Variants in INTS4 observed in about 807,000 individuals in gnomAD.
INTS4 encodes MSTP093.
INTS4 carries 70 observed loss-of-function variants against 119.5 expected under a neutral mutation model. That is an observed-to-expected ratio of 0.59 (90% CI 0.48 to 0.71). The LOEUF is 0.71. Ranked by LOEUF, INTS4 falls within the 30% of genes least tolerant of loss-of-function variation. The pLI, the probability that INTS4 is intolerant of heterozygous loss-of-function variation, is 0.00. For missense variants in INTS4, 867 were observed against 1,173.2 expected (o/e 0.74, Z 3.81); for synonymous variants, 316 against 419.6 (o/e 0.75, Z 3.02).
At chr11:77,920,228 C>T (rs201406288) in intron 14 of INTS4, among the ~76,000 whole-genome samples, 1,437 of 14,954 alleles carry the variant, frequency 0.096, 29 homozygotes, top group African/African-American at 0.26. Context: ...TACACATATA[C>T]ATACATATAT....
At chr11:77,985,103 T>C (rs952444369) in intron 2 of INTS4, among the ~76,000 whole-genome samples, 1 of 152,204 alleles carries the variant, frequency 6.6e-6, no homozygotes, top group African/African-American at 2.4e-5. Context: ...TCTCTAATAA[T>C]TGTTTCTTCT....
intron 14 of INTS4, 71 bp downstream of exon 14, chr11:77,921,269 G>A: frequency 6.5e-6 from 10 of 1,529,422 alleles, no homozygotes; most frequent in Non-Finnish European, 8.9e-6. Flanking sequence ...CCATCTCAAA[G>A]GAAAACATGA....
downstream of INTS4, chr11:77,876,950 G>T: frequency 1.4e-6 from 1 of 703,170 alleles, no homozygotes; most frequent in Non-Finnish European, 2.6e-6. Context: ...TTTTGTCTAG[G>T]CTCCAACCCA....
At chr11:77,922,062 T>C (rs971919703) in intron 13 of INTS4, among the ~76,000 whole-genome samples, 11 of 151,478 alleles carry the variant, frequency 7.3e-5, no homozygotes, top group African/African-American at 2.7e-4. Flanking sequence ...ACCTCATCTC[T>C]ACTAAAAATA....
At chr11:77,974,238 C>CTTT (rs60093605) in intron 4 of INTS4, among the ~76,000 whole-genome samples, 19 of 84,326 alleles carry the variant, frequency 2.3e-4, no homozygotes, top group South Asian at 3.5e-4. Context: ...TTTTTCTTTT[C>CTTT]TTTTTTTTTT....
chr11:77,929,607 A>C (rs1299225305), intron 10 of INTS4, among the ~76,000 whole-genome samples: 1 of 152,202 alleles, frequency 6.6e-6, no homozygotes, highest in Non-Finnish European at 1.5e-5. Flanking sequence ...CCTCAAAGTG[A>C]ATGAGGGCAG....
chr11:77,951,735 A>C (rs2136556834), intron 8 of INTS4, among the ~76,000 whole-genome samples: 1 of 152,304 alleles, frequency 6.6e-6, no homozygotes, highest in African/African-American at 2.4e-5. Context: ...CAACCTACAG[A>C]ATGGGAGAAA....
downstream of INTS4, among the ~76,000 whole-genome samples, chr11:77,877,555 A>T (rs1951632899): frequency 6.6e-6 from 1 of 152,130 alleles, no homozygotes; most frequent in Non-Finnish European, 1.5e-5. Flanking sequence ...TTTTTCCCAT[A>T]TACTTCCCCT....
chr11:77,927,205 A>T (rs1953528823), intron 11 of INTS4, among the ~76,000 whole-genome samples: 1 of 152,224 alleles, frequency 6.6e-6, no homozygotes, highest in African/African-American at 2.4e-5. Context: ...CTAAAAAGGA[A>T]AGGAGTGGCT....
intron 8 of INTS4, among the ~76,000 whole-genome samples, chr11:77,955,262 G>A (rs144023955): frequency 5.2e-4 from 79 of 152,256 alleles, no homozygotes; most frequent in African/African-American, 1.7e-3. Context: ...GCTTGAGCCC[G>A]GCAGGTCAAG....
chr11:77,875,799 C>A (rs1239736283), downstream of INTS4, among the ~76,000 whole-genome samples: 2 of 152,126 alleles, frequency 1.3e-5, no homozygotes, highest in Non-Finnish European at 2.9e-5. Context: ...AGGAAAGAAC[C>A]ACAGGAGACA....
intron 15 of INTS4, 92 bp from the exon 16 acceptor site, chr11:77,907,902 C>T (rs1952999043): frequency 1.3e-6 from 1 of 774,832 alleles, no homozygotes; most frequent in Non-Finnish European, 2.1e-6. Context: ...CATTTTATAC[C>T]TAGTAAACAG....
rs1953270363 is a variant in INTS4, at chr11:77,918,873, G to A, written c.1870C>T (p.Leu624Phe). ...GCTCCCTGAGGGTCCAAGTGCTGAAGACTATACACTCTTTCAAGGCTCTGC... is the reference window on the plus strand; with the variant it reads ...GCTCCCTGAGGGTCCAAGTGCTGAAAACTATACACTCTTTCAAGGCTCTGC... The part of the protein sequence containing the change: ...LQQSLERVYS[L>F]QHLDPQGAQE... The change falls in exon 15 of 23, where the codon CTT (leucine) becomes TTT (phenylalanine). Residue 624 changes from leucine to phenylalanine, a missense_variant. This residue lies in a region of INTS4 where 262 missense variants were observed against 376.0 expected (regional missense o/e 0.70). Transcript: ENST00000534064. 5.6e-6 allele frequency: 9 copies of A among 1,613,908 alleles called. No individual in the cohort carries two copies. The highest frequency in any genetic ancestry group is 7.6e-6 in the Non-Finnish European group (9 of 1,179,864).
chr11:77,877,705 A>G (rs921789020), downstream of INTS4, among the ~76,000 whole-genome samples: 1 of 152,202 alleles, frequency 6.6e-6, no homozygotes, highest in Non-Finnish European at 1.5e-5. Flanking sequence ...GGCAGTACCA[A>G]AGGTTAACCT....
intron 2 of INTS4, among the ~76,000 whole-genome samples, chr11:77,985,491 C>T (rs1301859548): frequency 6.6e-6 from 1 of 152,196 alleles, no homozygotes; most frequent in African/African-American, 2.4e-5. Flanking sequence ...TCAAGCATCG[C>T]TACCACTCTA....
chr11:77,930,862 C>T (rs1953630911), intron 10 of INTS4, among the ~76,000 whole-genome samples: 1 of 152,014 alleles, frequency 6.6e-6, no homozygotes, highest in Admixed American at 6.6e-5. Context: ...TCACAGATTC[C>T]CTATGGGTAC....
chr11:77,991,304 A>G lies in INTS4; in HGVS notation c.55-5T>C. On this transcript the variant is annotated splice_polypyrimidine_tract_variant and splice_region_variant and intron_variant, in intron 1 of 22. Transcript: ENST00000534064. ...AGTAGCAATTTCCTCCTGTGGCTGCAAGGGGTAGAGAAAATCGAAAACACA... is the reference window on the plus strand; with the variant it reads ...AGTAGCAATTTCCTCCTGTGGCTGCGAGGGGTAGAGAAAATCGAAAACACA... 1 of 1,611,666 alleles carries G rather than the reference A, an allele frequency of 6.2e-7. No homozygotes were observed. The highest frequency in any genetic ancestry group is 8.5e-7 in the Non-Finnish European group (1 of 1,177,922).
At chr11:77,938,549 T>C (rs1363154604) in intron 10 of INTS4, 102 bp downstream of exon 10, 22 of 1,474,660 alleles carry the variant, frequency 1.5e-5, no homozygotes, top group African/African-American at 2.8e-5. Context: ...CCAGAGTTAC[T>C]GTGAGGACTA....
At chr11:77,916,035 T>C (rs1391641066) in intron 15 of INTS4, among the ~76,000 whole-genome samples, 1 of 152,200 alleles carries the variant, frequency 6.6e-6, no homozygotes, top group East Asian at 1.9e-4. Flanking sequence ...CTGGAAATCA[T>C]TCCTGGATAT....
Sources: gnomAD v4.1 joint callset for allele counts (sites outside exome capture counted in the v4.1 genomes callset) on GRCh38, gnomAD v4.1.1 for gene constraint, gnomAD v4.1.1 regional missense constraint, MANE v1.5 for transcripts, NCBI Gene and HGNC (gene_info 2026-07-23, HGNC 2026-07-21) for gene names.